LOX: variants seen among roughly 807,000 people sequenced by gnomAD.
LOX encodes the protein lysyl oxidase.
In LOX, 12 loss-of-function variants were observed where a neutral mutation model predicts 50.5. The observed-to-expected ratio is 0.24, with a 90% CI of 0.15 to 0.38. LOX has a LOEUF of 0.38. Ranked by LOEUF, LOX falls within the 10% of genes least tolerant of loss-of-function variation. The probability of loss-of-function intolerance (pLI) is 1.00; values close to 1 mark genes in which losing one functional copy is unlikely to be tolerated. For synonymous variants in LOX, 254 were observed against 230.6 expected (o/e 1.10, Z -0.92); for missense variants, 504 against 563.8 (o/e 0.89, Z 1.07).
At position 122,063,269 on chromosome 5, in the gene LOX, A is replaced by G. The variant is rs1367164366; in HGVS notation, c.*3474T>C. The G allele has an allele frequency of 6.6e-6, 1 of 151,984 alleles. No individual in the cohort carries two copies. The highest frequency in any genetic ancestry group is 1.5e-5 in the Non-Finnish European group (1 of 67,914). 9.4% of individuals were successfully genotyped at this position (151,984 alleles called of 1,614,324 possible). On this transcript the variant is annotated 3_prime_UTR_variant, in exon 7 of 7. Transcript: ENST00000231004. ...TAGTATAGATGTATAATAAAAGAAT[A>G]TGAGAATGCAAAGAGGAACATAAAG...
rs1469570727 is a variant in LOX at position 122,064,710 on chromosome 5, TA to T, written c.*2032del. The T allele has an allele frequency of 6.6e-6, 1 of 152,018 alleles. No individual in the cohort carries two copies. Among genetic ancestry groups the T allele is most frequent in the African/African-American group, 2.4e-5 (1 of 41,420 alleles). The allele number at this position is 152,018 out of a possible 1,614,324, so 9.4% of individuals were successfully genotyped here. On this transcript the variant is annotated 3_prime_UTR_variant, in exon 7 of 7. Coordinates refer to ENST00000231004, the MANE Select transcript of LOX (RefSeq NM_002317.7). ...GGATTTTTAATACTTATTGAGGTTATAGACAGTCTTTTTTATGTCTCAATGC... is the reference window on the plus strand; with the variant it reads ...GGATTTTTAATACTTATTGAGGTTATGACAGTCTTTTTTATGTCTCAATGC...
intron 6 of LOX, among the ~76,000 whole-genome samples, chr5:122,069,124 GCTT>G (rs1481514509): frequency 1.3e-5 from 2 of 152,072 alleles, no homozygotes; most frequent in Non-Finnish European, 2.9e-5. Flanking sequence ...CACAGTCTCT[GCTT>G]CTTTATGTAG....
chr5:122,065,340 TCTTA>T lies in LOX; in HGVS notation c.*1399_*1402del, dbSNP rs1179021776. On this transcript the variant is annotated 3_prime_UTR_variant, in exon 7 of 7. Coordinates refer to ENST00000231004, the MANE Select transcript of LOX (RefSeq NM_002317.7). ...CCTAACATGTTCTGGCACTGGAAAA[TCTTA>T]CTTGAGATTTTAATACTGGTTAATA... 2.6e-5 allele frequency: 4 copies of T among 152,076 alleles called. No homozygotes were observed. The highest frequency in any genetic ancestry group is 1.9e-4 in the East Asian group (1 of 5,200). The allele number at this position is 152,076 out of a possible 1,614,324, so 9.4% of individuals were successfully genotyped here.
intron 6 of LOX, 93 bp from the exon 7 acceptor site, chr5:122,066,842 T>C (rs1754314532): frequency 2.5e-6 from 2 of 789,440 alleles, no homozygotes; most frequent in South Asian, 1.5e-5. Flanking sequence ...TTTTAAAAAC[T>C]TTATGCAACA....
At position 122,077,629 on chromosome 5, in the gene LOX, G is replaced by T. The variant is rs1754677474; in HGVS notation, c.357C>A (p.Pro119=). 1 of 1,611,130 alleles carries T rather than the reference G, an allele frequency of 6.2e-7. No individual in the cohort carries two copies. Among genetic ancestry groups the T allele is most frequent in the South Asian group, 1.1e-5 (1 of 91,022 alleles). Residue 119 remains proline, a synonymous_variant, in exon 1 of 7, where the codon CCC becomes CCA. Coordinates refer to ENST00000231004, the MANE Select transcript of LOX (RefSeq NM_002317.7). The surrounding 1 kb of genome is among the most constrained non-coding windows in gnomAD (Gnocchi z 4.9). ...CAGCTTGGAACCAGTGACGGGCGGT[G>T]GGCCTGGGGCGGCCAGCGGTGACTC... ...SSGVTAGRPR[P]TARHWFQAGY...
In LOX at chr5:122,077,207, T is replaced by G. The variant is rs1320844943; in HGVS notation, c.631+148A>C. On this transcript the variant is annotated intron_variant, in intron 1 of 6. Transcript: ENST00000231004. This position sits in a 1 kb window ranked among gnomAD's most constrained non-coding sequence, Gnocchi z 4.9. ...GAGGGGCCAGACGCGCGGTTTGCAC[T>G]GGATTCCAGGGCTGCCACTGCAGGC... 1 of 1,479,592 alleles carries G rather than the reference T, an allele frequency of 6.8e-7. No individual in the cohort carries two copies. Among genetic ancestry groups the G allele is most frequent in the African/African-American group, 1.4e-5 (1 of 71,190 alleles). 91.7% of individuals were successfully genotyped at this position (1,479,592 alleles called of 1,614,324 possible). A position where few individuals can be genotyped will look rare whatever the true frequency, so the allele number is the denominator to read the frequency against.
intron 6 of LOX, among the ~76,000 whole-genome samples, chr5:122,067,914 T>C (rs2152585674): frequency 6.6e-6 from 1 of 152,158 alleles, no homozygotes; most frequent in East Asian, 1.9e-4. Context: ...ACCTCTCCTC[T>C]GTCTGAACTC....
In LOX at chr5:122,077,839, C is replaced by T. The variant is rs772168648; in HGVS notation, c.147G>A (p.Glu49=). ...PGAWRQQIQW[E]NNGQVFSLLS... ...GCAAGCTGAACACCTGCCCGTTGTT[C>T]TCCCATTGGATCTGCTGGCGCCAGG... The change falls in exon 1 of 7, where the codon GAG becomes GAA. Residue 49 remains glutamate, a synonymous_variant. Coordinates refer to ENST00000231004, the MANE Select transcript of LOX (RefSeq NM_002317.7). This position sits in a 1 kb window ranked among gnomAD's most constrained non-coding sequence, Gnocchi z 4.9. The T allele has an allele frequency of 1.1e-5, 17 of 1,552,612 alleles. No individual in the cohort carries two copies. In the East Asian group the frequency reaches 3.4e-4, roughly 31 times the overall value.
chr5:122,077,241 G>T lies in LOX; in HGVS notation c.631+114C>A, dbSNP rs1754664885. ...GGGCTGCCACTGCAGGCGCGTGGGG[G>T]AGGGATCGGATCTGCGAGGACCGGG... On this transcript the variant is annotated intron_variant, in intron 1 of 6. Transcript: ENST00000231004. The surrounding 1 kb of genome is among the most constrained non-coding windows in gnomAD (Gnocchi z 4.9). 4 of 1,520,510 alleles carry T rather than the reference G, an allele frequency of 2.6e-6. No homozygotes were observed. The highest frequency in any genetic ancestry group is 3.5e-6 in the Non-Finnish European group (4 of 1,135,572). The allele number at this position is 1,520,510 out of a possible 1,614,324, so 94.2% of individuals were successfully genotyped here. A position where few individuals can be genotyped will look rare whatever the true frequency, so the allele number is the denominator to read the frequency against.
At position 122,070,368 on chromosome 5, in the gene LOX, T is replaced by G; in HGVS notation, c.1131+126A>C. The G allele has an allele frequency of 4.6e-6, 3 of 649,422 alleles. No homozygotes were observed. The South Asian group carries it at 5.9e-5, about 13-fold the overall frequency. 40.2% of individuals were successfully genotyped at this position (649,422 alleles called of 1,614,324 possible). A position where few individuals can be genotyped will look rare whatever the true frequency, so the allele number is the denominator to read the frequency against. ...ATAAGACAGATTAGATTAGATTAGA[T>G]TGTTTATAAATAGTTTGAGGATGTA... On this transcript the variant is annotated intron_variant, in intron 5 of 6. Coordinates refer to ENST00000231004, the MANE Select transcript of LOX (RefSeq NM_002317.7).
chr5:122,075,250 T>C (rs1040262014), intron 3 of LOX, 154 bp downstream of exon 3: 15 of 619,712 alleles, frequency 2.4e-5, no homozygotes, highest in African/African-American at 9.2e-5. Flanking sequence ...TTGTAGTAGA[T>C]GGGTTATGTG....
chr5:122,073,847 T>C (rs1754529149), intron 4 of LOX, among the ~76,000 whole-genome samples, 166 bp downstream of exon 4: 2 of 152,220 alleles, frequency 1.3e-5, no homozygotes, highest in African/African-American at 4.8e-5. Flanking sequence ...AAGAAAATAC[T>C]AGACTCATGG....
Position 122,066,635 on chromosome 5 carries a change from T to TTTCTG in LOX, c.*103_*107dup, listed in dbSNP as rs1388896013. The TTTCTG allele has an allele frequency of 3.3e-6, 3 of 921,206 alleles. No homozygotes were observed. In the African/African-American group the frequency reaches 5.0e-5, roughly 15 times the overall value. 57.1% of individuals were successfully genotyped at this position (921,206 alleles called of 1,614,324 possible). On this transcript the variant is annotated 3_prime_UTR_variant, in exon 7 of 7. Coordinates refer to ENST00000231004, the MANE Select transcript of LOX (RefSeq NM_002317.7). The stretch of plus-strand genomic sequence containing the variant: ...GTCCAAACAAAAATTCTTTTGTTGT[T>TTTCTG]TTCTGTTCTCTTTTTCAAAATACAT...
intron 3 of LOX, 80 bp from the exon 4 acceptor site, chr5:122,074,249 G>A: frequency 4.9e-6 from 6 of 1,221,250 alleles, no homozygotes; most frequent in Non-Finnish European, 6.9e-6. Flanking sequence ...CTTCCCCCAT[G>A]GCTTCACAAA....
rs905171451 is a variant in LOX, at chr5:122,065,646, C to A, written c.*1097G>T. On this transcript the variant is annotated 3_prime_UTR_variant, in exon 7 of 7. Transcript: ENST00000231004. ...ATGTGTGACTGATTCCTGAATAACC[C>A]AGGATGATGTTCCTGTGTTCTAGAT... 1 of 152,024 alleles carries A rather than the reference C, an allele frequency of 6.6e-6. No homozygotes were observed. Among genetic ancestry groups the A allele is most frequent in the Non-Finnish European group, 1.5e-5 (1 of 67,986 alleles). 9.4% of individuals were successfully genotyped at this position (152,024 alleles called of 1,614,324 possible).
At position 122,077,095 on chromosome 5, in the gene LOX, T is replaced by A. The variant is rs1017321442; in HGVS notation, c.632-94A>T. On this transcript the variant is annotated intron_variant, in intron 1 of 6. Coordinates refer to ENST00000231004, the MANE Select transcript of LOX (RefSeq NM_002317.7). This position sits in a 1 kb window ranked among gnomAD's most constrained non-coding sequence, Gnocchi z 4.9. ...CTCTAGGTCCCTTACTCCTCACCCTTCGCCCACCGGGACTGCAGAGTGGAG... is the reference window on the plus strand; with the variant it reads ...CTCTAGGTCCCTTACTCCTCACCCTACGCCCACCGGGACTGCAGAGTGGAG... 3 of 1,531,062 alleles carry A rather than the reference T, an allele frequency of 2.0e-6. No homozygotes were observed. In the African/African-American group the frequency reaches 4.1e-5, roughly 21 times the overall value. The allele number at this position is 1,531,062 out of a possible 1,614,324, so 94.8% of individuals were successfully genotyped here. A position where few individuals can be genotyped will look rare whatever the true frequency, so the allele number is the denominator to read the frequency against.
chr5:122,068,174 TAAAAAAAAAAAA>T (rs10650287), intron 6 of LOX, among the ~76,000 whole-genome samples: 1 of 115,910 alleles, frequency 8.6e-6, no homozygotes, highest in African/African-American at 3.4e-5. Context: ...TAATAACTAG[TAAAAAAAAAAAA>T]AAAAAAAAAA....
intron 4 of LOX, among the ~76,000 whole-genome samples, chr5:122,073,215 T>A (rs949471749): frequency 6.6e-6 from 1 of 152,212 alleles, no homozygotes; most frequent in African/African-American, 2.4e-5. Context: ...CAAATTATAA[T>A]GTCCTTTTAC....
At chr5:122,073,484 C>T (rs1754513246) in intron 4 of LOX, among the ~76,000 whole-genome samples, 1 of 152,118 alleles carries the variant, frequency 6.6e-6, no homozygotes, top group East Asian at 1.9e-4. Flanking sequence ...ATTTGCTAAC[C>T]GCAACCACTA....
Sources: gnomAD v4.1 joint callset for allele counts (sites outside exome capture counted in the v4.1 genomes callset) on GRCh38, gnomAD v4.1.1 for gene constraint, Gnocchi (gnomAD v3.1) non-coding constraint, MANE v1.5 for transcripts, NCBI Gene and HGNC (gene_info 2026-07-23, HGNC 2026-07-21) for gene names.